DNAI4: variants seen among roughly 807,000 people sequenced by gnomAD.
The protein encoded by DNAI4 is WD repeat domain 78.
DNAI4 carries 85 observed loss-of-function variants against 105.8 expected under a neutral mutation model. The ratio of observed to expected loss-of-function variants is 0.80; its 90% CI spans 0.67 to 0.96. The LOEUF (loss-of-function observed/expected upper bound fraction) is 0.96, where lower values mean the gene tolerates loss of function less well. Ranked by LOEUF, DNAI4 falls within the 40% of genes least tolerant of loss-of-function variation. DNAI4 has a pLI of 0.00. For synonymous variants in DNAI4, 352 were observed against 331.5 expected (o/e 1.06, Z -0.67); for missense variants, 1,014 against 1,005.6 (o/e 1.01, Z -0.11).
rs60123348 is a variant in DNAI4, at chr1:66,893,063, G to GAAAGAAAGAAAGAAA, written c.530+165_530+166insTTTCTTTCTTTCTTT. On this transcript the variant is annotated intron_variant, in intron 3 of 16. Coordinates refer to ENST00000371026, the MANE Select transcript of DNAI4 (RefSeq NM_024763.5). The stretch of plus-strand genomic sequence containing the variant: ...AGAAAGAAAGAAAGAAAGAGAGAGA[G>GAAAGAAAGAAAGAAA]AGAAAGAAAGAAAGAAAGAAAGAAA... Among the ~76,000 whole-genome samples the GAAAGAAAGAAAGAAA allele has an allele frequency of 1.6e-4, 14 of 89,540 alleles. 1 individual carries two copies. Among genetic ancestry groups the GAAAGAAAGAAAGAAA allele is most frequent in the Middle Eastern group, 5.3e-3 (1 of 188 alleles). The allele number at this position is 89,540 out of a possible 152,430, so 58.7% of individuals were successfully genotyped here.
At chr1:66,881,355 C>A (rs1286610288) in intron 4 of DNAI4, among the ~76,000 whole-genome samples, 2 of 152,218 alleles carry the variant, frequency 1.3e-5, no homozygotes, top group South Asian at 4.1e-4. Flanking sequence ...ACTGCCAACC[C>A]ATGAAAGCAG....
chr1:66,913,454 T>A (rs1649809957), intron 1 of DNAI4, among the ~76,000 whole-genome samples: 1 of 152,214 alleles, frequency 6.6e-6, no homozygotes, highest in Non-Finnish European at 1.5e-5. Flanking sequence ...AATGAGAGAC[T>A]GAGTTTTCTC....
chr1:66,902,359 C>T (rs1648897174), intron 2 of DNAI4, among the ~76,000 whole-genome samples: 1 of 152,026 alleles, frequency 6.6e-6, no homozygotes, highest in Non-Finnish European at 1.5e-5. Context: ...ATTTGTACAT[C>T]TTCTTTGTAA....
intron 7 of DNAI4, among the ~76,000 whole-genome samples, chr1:66,849,102 T>C (rs754925364): frequency 6.6e-6 from 1 of 152,162 alleles, no homozygotes; most frequent in African/African-American, 2.4e-5. Flanking sequence ...ACCTATCCAG[T>C]AGTAACAAAG....
chr1:66,837,156 G>A lies in DNAI4; in HGVS notation c.1581+554C>T, dbSNP rs146905605. 9.3e-3 allele frequency among the ~76,000 whole-genome samples: 1,418 copies of A among 152,196 alleles called. 8 individuals carry two copies. Among genetic ancestry groups the A allele is most frequent in the Middle Eastern group, 0.02 (6 of 294 alleles). Reference sequence around the variant, plus strand: ...CAAGGCGGCTGGATCATGAGGTCAAGAGATCGAGACCATCCTGGCCAACAT... The same window carrying A: ...CAAGGCGGCTGGATCATGAGGTCAAAAGATCGAGACCATCCTGGCCAACAT... On this transcript the variant is annotated intron_variant, in intron 10 of 16. Coordinates refer to ENST00000371026, the MANE Select transcript of DNAI4 (RefSeq NM_024763.5).
chr1:66,915,195 A>C (rs1649977208), intron 1 of DNAI4, among the ~76,000 whole-genome samples: 1 of 152,252 alleles, frequency 6.6e-6, no homozygotes, highest in Admixed American at 6.5e-5. Context: ...ATTATTTAGT[A>C]AGATTACCAT....
intron 4 of DNAI4, among the ~76,000 whole-genome samples, chr1:66,886,801 G>A (rs1363772723): frequency 6.6e-6 from 1 of 151,998 alleles, no homozygotes; most frequent in African/African-American, 2.4e-5. Flanking sequence ...CCCTTCCCTG[G>A]CTGCAACATT....
intron 16 of DNAI4, among the ~76,000 whole-genome samples, chr1:66,820,095 A>G (rs1645594549): frequency 6.6e-6 from 1 of 152,180 alleles, no homozygotes; most frequent in Non-Finnish European, 1.5e-5. Context: ...GCAAGTTTCA[A>G]TGTGGAGATA....
intron 2 of DNAI4, among the ~76,000 whole-genome samples, chr1:66,894,359 C>T (rs1368862116): frequency 6.6e-6 from 1 of 152,090 alleles, no homozygotes; most frequent in Non-Finnish European, 1.5e-5. Flanking sequence ...CTATTCAAGT[C>T]CTTTGCACAA....
At chr1:66,893,063 G>GAGAGAAAGAAAGAAAGAAAGAA (rs879150798) in intron 3 of DNAI4, among the ~76,000 whole-genome samples, 166 bp downstream of exon 3, 1 of 89,548 alleles carries the variant, frequency 1.1e-5, no homozygotes, top group African/African-American at 4.9e-5. Flanking sequence ...AAGAGAGAGA[G>GAGAGAAAGAAAGAAAGAAAGAA]AGAAAGAAAG....
intron 4 of DNAI4, among the ~76,000 whole-genome samples, chr1:66,878,454 T>G (rs1232752414): frequency 6.6e-6 from 1 of 152,152 alleles, no homozygotes; most frequent in Non-Finnish European, 1.5e-5. Flanking sequence ...GAGCCCTAGT[T>G]GCTTTTATTA....
intron 1 of DNAI4, among the ~76,000 whole-genome samples, chr1:66,907,451 C>T (rs191550157): frequency 3.9e-5 from 6 of 152,304 alleles, no homozygotes; most frequent in Non-Finnish European, 7.4e-5. Flanking sequence ...GCCCTACTAT[C>T]CTTACAAAAT....
rs1056682795 is a variant in DNAI4 at position 66,857,267 on chromosome 1, A to G, written c.1096+4880T>C. Reference sequence around the variant, plus strand: ...AACCAAACACCACATGTTCTCACTCATAGGTGGGAACTGAACAATGAAAAC... The same window carrying G: ...AACCAAACACCACATGTTCTCACTCGTAGGTGGGAACTGAACAATGAAAAC... On this transcript the variant is annotated intron_variant, in intron 7 of 16. Coordinates refer to ENST00000371026, the MANE Select transcript of DNAI4 (RefSeq NM_024763.5). Among the ~76,000 whole-genome samples, 9 of 143,862 alleles carry G rather than the reference A, an allele frequency of 6.3e-5. No homozygotes were observed. The East Asian group carries it at 1.9e-3, about 31-fold the overall frequency. The allele number at this position is 143,862 out of a possible 152,430, so 94.4% of individuals were successfully genotyped here.
In DNAI4 at chr1:66,920,439, C is replaced by T. The variant is rs182067453; in HGVS notation, c.170+4223G>A. ...GCAAAAGGCTGTCATGCTGACCCTC[C>T]ACTGAGCTGTTAACACTTACGCTGT... is the stretch of plus-strand genomic sequence containing the variant. On this transcript the variant is annotated intron_variant, in intron 1 of 16. Coordinates refer to ENST00000371026, the MANE Select transcript of DNAI4 (RefSeq NM_024763.5). Among the ~76,000 whole-genome samples the T allele has an allele frequency of 2.2e-3, 328 of 152,296 alleles. 2 individuals carry two copies. The highest frequency in any genetic ancestry group is 7.6e-3 in the African/African-American group (315 of 41,550).
chr1:66,854,233 A>T (rs187833202), intron 7 of DNAI4, among the ~76,000 whole-genome samples: 1 of 152,250 alleles, frequency 6.6e-6, no homozygotes. Flanking sequence ...GTCTACAAAA[A>T]TTTTTAAATT....
rs3033717 is a variant in DNAI4 at position 66,858,532 on chromosome 1, C to CAAAAAAAAAAAA, written c.1096+3603_1096+3614dup. On this transcript the variant is annotated intron_variant, in intron 7 of 16. Transcript: ENST00000371026. Reference sequence around the variant, plus strand: ...TGGGCAACAGAGCAAGACTCCGTCTCAAAAAAAAAAAAAAAAAATGCAAAA... The same window carrying CAAAAAAAAAAAA: ...TGGGCAACAGAGCAAGACTCCGTCTCAAAAAAAAAAAAAAAAAAAAAAAAAAAAAATGCAAAA... Among the ~76,000 whole-genome samples the CAAAAAAAAAAAA allele has an allele frequency of 1.6e-3, 104 of 63,434 alleles. 1 individual carries two copies. Among genetic ancestry groups the CAAAAAAAAAAAA allele is most frequent in the African/African-American group, 3.3e-3 (60 of 17,914 alleles). 41.6% of individuals were successfully genotyped at this position (63,434 alleles called of 152,430 possible).
intron 4 of DNAI4, among the ~76,000 whole-genome samples, chr1:66,886,831 C>T (rs750624066): frequency 9.2e-5 from 14 of 152,262 alleles, no homozygotes; most frequent in East Asian, 1.9e-4. Flanking sequence ...ATTCCTTAAA[C>T]GCTGTTATCT....
chr1:66,884,287 C>T (rs942385048), intron 4 of DNAI4, among the ~76,000 whole-genome samples: 3 of 152,140 alleles, frequency 2.0e-5, no homozygotes, highest in Admixed American at 6.5e-5. Context: ...CTGCAATGAA[C>T]ATGGGATGCA....
At chr1:66,886,624 A>T (rs1647208794) in intron 4 of DNAI4, among the ~76,000 whole-genome samples, 1 of 152,150 alleles carries the variant, frequency 6.6e-6, no homozygotes, top group South Asian at 2.1e-4. Context: ...TCTGCAATCC[A>T]GTATTGTTAC....
Sources: allele counts gnomAD v4.1 joint callset (sites outside exome capture counted in the v4.1 genomes callset), GRCh38; gene constraint gnomAD v4.1.1; transcripts MANE v1.5; gene names NCBI Gene and HGNC (gene_info 2026-07-23, HGNC 2026-07-21).